TP63: variants seen among roughly 807,000 people sequenced by gnomAD.
The protein encoded by TP63 is tumor protein 63.
A neutral mutation model predicts 82.8 loss-of-function variants in TP63; 17 were observed. The ratio of observed to expected loss-of-function variants is 0.21; its 90% CI spans 0.14 to 0.31. The LOEUF (loss-of-function observed/expected upper bound fraction) is 0.31. Ranked by LOEUF, TP63 falls within the 10% of genes least tolerant of loss-of-function variation. TP63 has a pLI of 1.00. For missense variants in TP63, 648 were observed against 895.3 expected, an observed-to-expected ratio of 0.72 and a Z score of 3.52; for synonymous variants, 330 against 321.7, an observed-to-expected ratio of 1.03 and a Z score of -0.28.
intron 5 of TP63, among the ~76,000 whole-genome samples, chr3:189,865,524 T>C (rs932154763): frequency 2.0e-5 from 3 of 152,044 alleles, no homozygotes; most frequent in East Asian, 1.9e-4. Flanking sequence ...TCAAAGAGTA[T>C]TGAGGGTGCC....
At chr3:189,707,335 G>A (rs1718280457) in intron 1 of TP63, among the ~76,000 whole-genome samples, 1 of 152,090 alleles carries the variant, frequency 6.6e-6, no homozygotes, top group Non-Finnish European at 1.5e-5. Flanking sequence ...TTGCCACAGA[G>A]TAATCATTTT....
At chr3:189,737,662 T>C (rs1720693782) in intron 1 of TP63, 78 bp from the exon 2 acceptor site, 2 of 1,508,254 alleles carry the variant, frequency 1.3e-6, no homozygotes, top group Non-Finnish European at 1.8e-6. Flanking sequence ...GTTTTCATGA[T>C]AGAGTATGCT....
intron 13 of TP63, among the ~76,000 whole-genome samples, chr3:189,891,430 C>T (rs1316786773): frequency 6.6e-6 from 1 of 152,162 alleles, no homozygotes; most frequent in East Asian, 1.9e-4. Flanking sequence ...TTCAGCCGTT[C>T]CTCTCAATTA....
chr3:189,652,182 CCA>C (rs1712951470), intron 1 of TP63, among the ~76,000 whole-genome samples: 1 of 146,514 alleles, frequency 6.8e-6, no homozygotes, highest in Non-Finnish European at 1.5e-5. Flanking sequence ...CCTAGATAAA[CCA>C]CAGACACTCA....
At chr3:189,686,089 T>G (rs902624518) in intron 1 of TP63, among the ~76,000 whole-genome samples, 9 of 152,120 alleles carry the variant, frequency 5.9e-5, no homozygotes, top group Admixed American at 2.0e-4. Flanking sequence ...ATTGTTTGAT[T>G]ATGTGGCAGA....
intron 1 of TP63, among the ~76,000 whole-genome samples, chr3:189,684,632 CTT>C (rs11379017): frequency 1.0e-3 from 136 of 134,652 alleles, no homozygotes; most frequent in African/African-American, 2.0e-3. Flanking sequence ...TTCTTTCTTT[CTT>C]TTTTTTTTTT....
chr3:189,819,823 C>T (rs1577031022), intron 4 of TP63, among the ~76,000 whole-genome samples: 1 of 141,440 alleles, frequency 7.1e-6, no homozygotes, highest in South Asian at 2.3e-4. Flanking sequence ...GCCACCTGAG[C>T]TCACTGCAAC....
At chr3:189,680,086 T>C (rs1920242) in intron 1 of TP63, among the ~76,000 whole-genome samples, 2,127 of 152,260 alleles carry the variant, frequency 0.014, 50 homozygotes, top group African/African-American at 0.049. Flanking sequence ...TGGGCTCTTT[T>C]GTGGTTTCAA....
At chr3:189,624,152 T>C in the TP63 span, among the ~76,000 whole-genome samples, 3 of 152,180 alleles carry the variant, frequency 2.0e-5, no homozygotes, top group Non-Finnish European at 2.9e-5. Context: ...TCCATAGTTA[T>C]GGTAAAAAGC....
At chr3:189,869,675 G>C (rs772237434) in intron 9 of TP63, among the ~76,000 whole-genome samples, 43 of 150,908 alleles carry the variant, frequency 2.8e-4, no homozygotes, top group South Asian at 1.5e-3. Context: ...TTTTCTCCTT[G>C]TATTCTCATA....
intron 1 of TP63, among the ~76,000 whole-genome samples, chr3:189,663,542 T>TTA (rs1215437754): frequency 1.4e-5 from 2 of 146,270 alleles, no homozygotes; most frequent in Admixed American, 6.9e-5. Context: ...TTTTTTTTTT[T>TTA]TTTGAGACAG....
At chr3:189,793,221 G>A (rs1725339217) in intron 3 of TP63, among the ~76,000 whole-genome samples, 1 of 151,420 alleles carries the variant, frequency 6.6e-6, no homozygotes, top group Non-Finnish European at 1.5e-5. Context: ...CACTACTACT[G>A]GAAAAAAAAA....
intron 13 of TP63, among the ~76,000 whole-genome samples, chr3:189,892,740 C>T (rs1369371162): frequency 2.0e-5 from 3 of 151,988 alleles, no homozygotes; most frequent in East Asian, 1.9e-4. Flanking sequence ...TGCAGTGAGC[C>T]GAGATCACGC....
At chr3:189,730,045 C>T (rs1047060455) in intron 1 of TP63, among the ~76,000 whole-genome samples, 4 of 152,126 alleles carry the variant, frequency 2.6e-5, no homozygotes, top group Admixed American at 6.5e-5. Context: ...AACCCGAAGA[C>T]TCATTTTGCA....
intron 1 of TP63, among the ~76,000 whole-genome samples, chr3:189,638,457 T>C (rs991916929): frequency 6.6e-5 from 10 of 152,076 alleles, no homozygotes; most frequent in Non-Finnish European, 1.2e-4. Context: ...AAGCATCTGC[T>C]CTTGAGGCAG....
rs990566226 is a variant in TP63 at position 189,777,456 on chromosome 3, C to G, written c.325-30816C>G. Among the ~76,000 whole-genome samples, 4 of 152,128 alleles carry G rather than the reference C, an allele frequency of 2.6e-5. No individual in the cohort carries two copies. The South Asian group carries it at 6.2e-4, about 24-fold the overall frequency. The stretch of plus-strand genomic sequence containing the variant: ...AGGTGATCCACCCGCCTCCGTCTCC[C>G]AAAATGCTGGGATTACAGGTGTGAG... On this transcript the variant is annotated intron_variant, in intron 3 of 13. Transcript: ENST00000264731.
At chr3:189,675,252 C>T (rs1291792336) in intron 1 of TP63, among the ~76,000 whole-genome samples, 2 of 152,080 alleles carry the variant, frequency 1.3e-5, no homozygotes, top group Non-Finnish European at 2.9e-5. Context: ...ACCTCACCTC[C>T]TCCATTGCCT....
rs377236399 is a variant in TP63 at position 189,695,530 on chromosome 3, C to CT, written c.63-42209dup. 1.6e-4 allele frequency among the ~76,000 whole-genome samples: 24 copies of CT among 152,236 alleles called. 2 individuals are homozygous for CT. Among genetic ancestry groups the CT allele is most frequent in the African/African-American group, 5.8e-4 (24 of 41,532 alleles). On this transcript the variant is annotated intron_variant, in intron 1 of 13. Transcript: ENST00000264731. ...TGGGCATTAGGTTTTCTCATTGCTG[C>CT]TGGGTGTTGTTGCTTCTAGGCTGTC...
At chr3:189,824,123 A>G (rs941818257) in intron 4 of TP63, among the ~76,000 whole-genome samples, 1 of 152,202 alleles carries the variant, frequency 6.6e-6, no homozygotes. Context: ...TCCAGTGAAT[A>G]AAATTCATAT....
Sources: gnomAD v4.1 joint callset for allele counts (sites outside exome capture counted in the v4.1 genomes callset) on GRCh38, gnomAD v4.1.1 for gene constraint, MANE v1.5 for transcripts, NCBI Gene and HGNC (gene_info 2026-07-23, HGNC 2026-07-21) for gene names.